Variants in DMRT3 observed in about 807,000 individuals in gnomAD.
The protein encoded by DMRT3 is doublesex- and mab-3-related transcription factor 3.
Under a neutral mutation model 34.9 loss-of-function variants are expected in DMRT3, and 29 were observed. The ratio of observed to expected loss-of-function variants is 0.83; its 90% CI spans 0.62 to 1.13. The LOEUF is 1.13. DMRT3 is among the 50% of genes most tolerant of loss of function. The probability of loss-of-function intolerance (pLI) is 0.00; values close to 1 mark genes in which losing one functional copy is unlikely to be tolerated. For synonymous variants in DMRT3, 350 were observed against 286.0 expected, an observed-to-expected ratio of 1.22 and a Z score of -2.26; for missense variants, 772 against 629.1, an observed-to-expected ratio of 1.23 and a Z score of -2.43.
rs1327240415 is a variant in DMRT3 at position 990,348 on chromosome 9, G to A, written c.762G>A (p.Val254=). Residue 254 remains valine (V), a synonymous_variant, in exon 2 of 2, where the codon GTG becomes GTA. Transcript: ENST00000190165. ...AAGCCAACAGACCGCCGCTTGAAGT[G>A]TTAAAAAAGATATTCCCCAACCAGA... ...SLKANRPPLE[V]LKKIFPNQKP... is the part of the protein sequence containing the mutation. 1 of 1,613,904 alleles carries A rather than the reference G, an allele frequency of 6.2e-7. No homozygotes were observed. The highest frequency in any genetic ancestry group is 2.2e-5 in the East Asian group (1 of 44,840).
intron 1 of DMRT3, among the ~76,000 whole-genome samples, chr9:983,522 A>T (rs1316849983): frequency 6.6e-6 from 1 of 152,192 alleles, no homozygotes; most frequent in East Asian, 1.9e-4. Flanking sequence ...TATGCCTCTC[A>T]GTGGTCAAGA....
chr9:979,905 G>T (rs926670050), intron 1 of DMRT3, among the ~76,000 whole-genome samples: 3 of 152,202 alleles, frequency 2.0e-5, no homozygotes, highest in Non-Finnish European at 2.9e-5. Context: ...AAAACTAAGT[G>T]CAGAGAGTAA....
intron 1 of DMRT3, among the ~76,000 whole-genome samples, chr9:983,431 G>A (rs1387931824): frequency 6.6e-6 from 1 of 152,042 alleles, no homozygotes; most frequent in Non-Finnish European, 1.5e-5. Flanking sequence ...GCTATCCTTG[G>A]AATTATTTGC....
At chr9:979,956 G>T (rs952595733) in intron 1 of DMRT3, among the ~76,000 whole-genome samples, 1 of 152,228 alleles carries the variant, frequency 6.6e-6, no homozygotes, top group Non-Finnish European at 1.5e-5. Context: ...TGTACATTAA[G>T]TATACAGACC....
At chr9:981,123 C>A (rs1332798692) in intron 1 of DMRT3, among the ~76,000 whole-genome samples, 2 of 152,088 alleles carry the variant, frequency 1.3e-5, no homozygotes, top group Non-Finnish European at 2.9e-5. Flanking sequence ...AACAAGATAA[C>A]TATAGGGGGA....
At chr9:984,720 G>C (rs1820262300) in intron 1 of DMRT3, among the ~76,000 whole-genome samples, 1 of 152,122 alleles carries the variant, frequency 6.6e-6, no homozygotes, top group Non-Finnish European at 1.5e-5. Context: ...GCCTCCCAAA[G>C]TGCTGGGATT....
In DMRT3 at chr9:986,266, A is replaced by G. The variant is rs570604890; in HGVS notation, c.455-3775A>G. On this transcript the variant is annotated intron_variant, in intron 1 of 1. Transcript: ENST00000190165. ...AATAGGTACAAGAGTGGAATTTTAT[A>G]TTGTCAGACTTGTAATCCTGGTATC... Among the ~76,000 whole-genome samples the G allele has an allele frequency of 1.2e-4, 18 of 152,116 alleles. No individual in the cohort carries two copies. In the South Asian group the frequency reaches 3.3e-3, roughly 28 times the overall value.
At chr9:980,136 G>T (rs528203692) in intron 1 of DMRT3, among the ~76,000 whole-genome samples, 3 of 152,228 alleles carry the variant, frequency 2.0e-5, no homozygotes, top group East Asian at 3.9e-4. Flanking sequence ...TTCCTCTCCA[G>T]AAATCTTTGA....
chr9:990,487 G>C lies in DMRT3; in HGVS notation c.901G>C (p.Glu301Gln). The C allele has an allele frequency of 3.1e-6, 5 of 1,614,168 alleles. No individual in the cohort carries two copies. The highest frequency in any genetic ancestry group is 4.2e-6 in the Non-Finnish European group (5 of 1,180,038). The change falls in exon 2 of 2, where the codon GAA becomes CAA. Residue 301 changes from glutamate to glutamine, a missense_variant. Physicochemically the swap from Glu to Gln is conservative, Grantham distance 29. Transcript: ENST00000190165. The part of the protein sequence containing the change: ...SVTGAERTSA[E>Q]PESLALPSNG... ...CACGGGAGCAGAGCGAACTTCCGCA[G>C]AACCTGAGAGTCTAGCGTTGCCCTC...
At chr9:981,023 C>G (rs1032390968) in intron 1 of DMRT3, among the ~76,000 whole-genome samples, 5 of 151,502 alleles carry the variant, frequency 3.3e-5, no homozygotes, top group Non-Finnish European at 7.4e-5. Context: ...AAAAAGAAAT[C>G]GAAAACATGG....
chr9:982,059 A>G (rs925992804), intron 1 of DMRT3, among the ~76,000 whole-genome samples: 1 of 152,220 alleles, frequency 6.6e-6, no homozygotes, highest in African/African-American at 2.4e-5. Flanking sequence ...ATTGCATGGG[A>G]CATACTTTCT....
In DMRT3 at chr9:979,242, A is replaced by G. The variant is rs760992150; in HGVS notation, c.454+1787A>G. 5.8e-4 allele frequency among the ~76,000 whole-genome samples: 88 copies of G among 152,302 alleles called. 1 individual carries two copies. The highest frequency in any genetic ancestry group is 3.4e-3 in the Middle Eastern group (1 of 294). The stretch of plus-strand genomic sequence containing the variant: ...TAAAGAGTCACAAAACTAAAAACAC[A>G]ACCCCAGGAGGAGGAGGAGTGAGGG... On this transcript the variant is annotated intron_variant, in intron 1 of 1. Transcript: ENST00000190165.
At position 991,278 on chromosome 9, in the gene DMRT3, G is replaced by A. The variant is rs550150715; in HGVS notation, c.*273G>A. On this transcript the variant is annotated 3_prime_UTR_variant, in exon 2 of 2. Transcript: ENST00000190165. ...GAATAGTCTTGGGAAGGCTGGGTCC[G>A]TGGAAGATTTATTTGGGGATGTAAA... The A allele has an allele frequency of 6.3e-5, 19 of 303,848 alleles. No homozygotes were observed. The highest frequency in any genetic ancestry group is 9.5e-5 in the South Asian group (1 of 10,498). The allele number at this position is 303,848 out of a possible 1,614,324, so 18.8% of individuals were successfully genotyped here.
Position 990,130 on chromosome 9 carries a change from G to A in DMRT3, c.544G>A (p.Asp182Asn), listed in dbSNP as rs748198939. The A allele has an allele frequency of 3.8e-5, 62 of 1,613,946 alleles. No homozygotes were observed. The highest frequency in any genetic ancestry group is 5.2e-5 in the Non-Finnish European group (61 of 1,180,018). The stretch of plus-strand genomic sequence containing the variant: ...AGACACTGACCAGAGGAGTTCCCCA[G>A]ATGTGGCAAAGAGTAAGGGCTGCTT... ...DKDTDQRSSP[D>N]VAKSKGCFTP... is the part of the protein sequence containing the mutation. Residue 182 changes from aspartate to asparagine, a missense_variant, in exon 2 of 2, where the codon GAT (aspartate) becomes AAT (asparagine). By Grantham distance (23) the Asp-to-Asn change is conservative. Coordinates refer to ENST00000190165, the MANE Select transcript of DMRT3 (RefSeq NM_021240.4).
Position 977,013 on chromosome 9 carries a change from C to T in DMRT3, c.12C>T (p.Tyr4=), listed in dbSNP as rs991926296. 6 of 1,514,174 alleles carry T rather than the reference C, an allele frequency of 4.0e-6. No homozygotes were observed. Among genetic ancestry groups the T allele is most frequent in the East Asian group, 2.5e-5 (1 of 40,332 alleles). 93.8% of individuals were successfully genotyped at this position (1,514,174 alleles called of 1,614,324 possible). ...CGGGAGCCCGGGGCATGAACGGCTA[C>T]GGCTCCCCCTACCTGTACATGGGCG... is the stretch of plus-strand genomic sequence containing the variant. The part of the protein sequence containing the change: MNG[Y]GSPYLYMGGP... Residue 4 remains tyrosine, a synonymous_variant, in exon 1 of 2, where the codon TAC becomes TAT. Transcript: ENST00000190165.
At chr9:981,550 C>G (rs1227914922) in intron 1 of DMRT3, among the ~76,000 whole-genome samples, 1 of 152,238 alleles carries the variant, frequency 6.6e-6, no homozygotes, top group East Asian at 1.9e-4. Context: ...AAGGTCTCTT[C>G]CAAACCCCAC....
At position 990,133 on chromosome 9, in the gene DMRT3, G is replaced by A; in HGVS notation, c.547G>A (p.Val183Met). ...CACTGACCAGAGGAGTTCCCCAGAT[G>A]TGGCAAAGAGTAAGGGCTGCTTCAC... is the stretch of plus-strand genomic sequence containing the variant. ...KDTDQRSSPD[V>M]AKSKGCFTPE... Residue 183 changes from valine (V) to methionine (M), a missense_variant, in exon 2 of 2, where the codon GTG becomes ATG. Transcript: ENST00000190165. 1.2e-6 allele frequency: 2 copies of A among 1,614,110 alleles called. No homozygotes were observed. The highest frequency in any genetic ancestry group is 2.2e-5 in the East Asian group (1 of 44,864).
chr9:981,965 T>C (rs4141755), intron 1 of DMRT3, among the ~76,000 whole-genome samples: 48,977 of 152,110 alleles, frequency 0.32, 9,011 homozygotes, highest in African/African-American at 0.49. Context: ...TGAGCTTCAC[T>C]ACCCTCTCCT....
At chr9:983,125 GT>G (rs921661586) in intron 1 of DMRT3, among the ~76,000 whole-genome samples, 1 of 152,072 alleles carries the variant, frequency 6.6e-6, no homozygotes, top group Admixed American at 6.5e-5. Context: ...TAGGTATGGG[GT>G]TTTTTTGCAT....
Sources: gnomAD v4.1 joint callset for allele counts (sites outside exome capture counted in the v4.1 genomes callset) on GRCh38, gnomAD v4.1.1 for gene constraint, MANE v1.5 for transcripts, NCBI Gene and HGNC (gene_info 2026-07-23, HGNC 2026-07-21) for gene names.